The following UNC5A variants were observed in gnomAD, a reference collection of about 807,000 sequenced individuals.
UNC5A encodes netrin receptor UNC5A.
In UNC5A, 20 loss-of-function variants were observed where a neutral mutation model predicts 87.4. That is an observed-to-expected ratio of 0.23 (90% CI 0.16 to 0.33). UNC5A has a LOEUF of 0.33. Ranked by LOEUF, UNC5A falls within the 10% of genes least tolerant of loss-of-function variation. The pLI is 1.00. For synonymous variants in UNC5A, 438 were observed against 482.3 expected (o/e 0.91, Z 1.20); for missense variants, 844 against 1,133.4 (o/e 0.74, Z 3.67).
intron 1 of UNC5A, among the ~76,000 whole-genome samples, chr5:176,845,112 C>T (rs1757372671): frequency 6.6e-6 from 1 of 152,214 alleles, no homozygotes; most frequent in Admixed American, 6.5e-5. Context: ...CCCTCCCCGC[C>T]AGGAGAGTCA....
At chr5:176,864,904 G>T in intron 2 of UNC5A, 1 of 449,676 alleles carries the variant, frequency 2.2e-6, no homozygotes, top group Non-Finnish European at 4.5e-6. Flanking sequence ...CCCGGCCCCA[G>T]CGGAGGTGCC....
rs1757968433 is a variant in UNC5A at position 176,866,086 on chromosome 5, T to TCA, written c.293-2034_293-2033dup. Reference sequence around the variant, plus strand: ...GCTAGAAACCCTGGGCAGCCCAGGTTCACACACACACCCGCCCAGGCCCAC... The same window carrying TCA: ...GCTAGAAACCCTGGGCAGCCCAGGTTCACACACACACACCCGCCCAGGCCCAC... On this transcript the variant is annotated intron_variant, in intron 2 of 14. Transcript: ENST00000329542. This position sits in a 1 kb window ranked among gnomAD's most constrained non-coding sequence, Gnocchi z 5.0. Among the ~76,000 whole-genome samples the TCA allele has an allele frequency of 6.6e-6, 1 of 152,072 alleles. No individual in the cohort carries two copies. Among genetic ancestry groups the TCA allele is most frequent in the African/African-American group, 2.4e-5 (1 of 41,420 alleles).
At chr5:176,859,120 T>TA (rs1470908523) in intron 1 of UNC5A, among the ~76,000 whole-genome samples, 14 of 117,176 alleles carry the variant, frequency 1.2e-4, no homozygotes, top group African/African-American at 4.8e-4. Flanking sequence ...CTAGAGGGCA[T>TA]GGCTGCTAGA....
intron 1 of UNC5A, among the ~76,000 whole-genome samples, chr5:176,861,889 C>A (rs944749723): frequency 1.1e-4 from 17 of 152,232 alleles, no homozygotes; most frequent in South Asian, 6.2e-4. Context: ...CCCACCCCAT[C>A]CTCTCAGGGG....
At chr5:176,876,330 G>T (rs937685829) in intron 8 of UNC5A, among the ~76,000 whole-genome samples, 1 of 152,202 alleles carries the variant, frequency 6.6e-6, no homozygotes, top group African/African-American at 2.4e-5. Context: ...GCCCAGCCCT[G>T]CTCTGCGCTG....
intron 1 of UNC5A, among the ~76,000 whole-genome samples, chr5:176,831,727 G>T (rs893153): frequency 1.5e-4 from 23 of 152,022 alleles, no homozygotes; most frequent in Non-Finnish European, 2.5e-4. Flanking sequence ...ACCCCTGGCC[G>T]CTGCTTCCTG....
At chr5:176,876,411 G>A (rs1758262897) in intron 8 of UNC5A, among the ~76,000 whole-genome samples, 1 of 152,166 alleles carries the variant, frequency 6.6e-6, no homozygotes, top group Admixed American at 6.5e-5. Flanking sequence ...CCCTCCCCAT[G>A]TCCTGAGCTG....
intron 3 of UNC5A, 66 bp downstream of exon 3, chr5:176,868,339 G>A: frequency 6.3e-7 from 1 of 1,596,742 alleles, no homozygotes; most frequent in South Asian, 1.1e-5. Flanking sequence ...AGAGGGGACA[G>A]TAGGCTTCCT....
intron 1 of UNC5A, among the ~76,000 whole-genome samples, chr5:176,840,787 A>C (rs113529058): frequency 5.9e-5 from 9 of 152,366 alleles, no homozygotes; most frequent in African/African-American, 2.2e-4. Flanking sequence ...AGTGGGACAA[A>C]CGGGACCAGA....
chr5:176,831,678 G>T (rs1407252307), intron 1 of UNC5A, among the ~76,000 whole-genome samples: 1 of 152,054 alleles, frequency 6.6e-6, no homozygotes. Context: ...CCTCACACCT[G>T]TCTCCTCGTC....
In UNC5A at chr5:176,848,087, C is replaced by T; in HGVS notation, c.71-14537C>T. ...ATCCAGCAGCCCCTCCAGGCCCCTA[C>T]TGACCAGCTGACCAGCAGCCCCCAC... On this transcript the variant is annotated intron_variant, in intron 1 of 14. Coordinates refer to ENST00000329542, the MANE Select transcript of UNC5A (RefSeq NM_133369.3). This position sits in a 1 kb window ranked among gnomAD's most constrained non-coding sequence, Gnocchi z 5.8. 7.3e-6 allele frequency among the ~76,000 whole-genome samples: 1 copy of T among 136,596 alleles called. No homozygotes were observed. Among genetic ancestry groups the T allele is most frequent in the Non-Finnish European group, 1.6e-5 (1 of 62,878 alleles). The allele number at this position is 136,596 out of a possible 152,430, so 89.6% of individuals were successfully genotyped here.
chr5:176,872,160 C>T (rs1282139035), intron 6 of UNC5A, among the ~76,000 whole-genome samples: 1 of 108,072 alleles, frequency 9.3e-6, no homozygotes, highest in East Asian at 2.9e-4. Context: ...ACCACAGCTT[C>T]CCATCTGCCC....
In UNC5A at chr5:176,824,147, A is replaced by C. The variant is rs929174428; in HGVS notation, c.70+13327A>C. On this transcript the variant is annotated intron_variant, in intron 1 of 14. Coordinates refer to ENST00000329542, the MANE Select transcript of UNC5A (RefSeq NM_133369.3). This position sits in a 1 kb window ranked among gnomAD's most constrained non-coding sequence, Gnocchi z 4.2. ...GCCTGGAGGCGGAGGTGCGGCCCCG[A>C]TGCCTCCCGGGTTGGAGGCAGCAAT... is the stretch of plus-strand genomic sequence containing the variant. Among the ~76,000 whole-genome samples the C allele has an allele frequency of 6.6e-6, 1 of 152,190 alleles. No individual in the cohort carries two copies. Among genetic ancestry groups the C allele is most frequent in the Non-Finnish European group, 1.5e-5 (1 of 68,030 alleles).
chr5:176,851,661 C>T (rs1228866320), intron 1 of UNC5A, among the ~76,000 whole-genome samples: 1 of 152,174 alleles, frequency 6.6e-6, no homozygotes, highest in African/African-American at 2.4e-5. Flanking sequence ...GCACCCCCCT[C>T]GGGTGGCCCC....
At chr5:176,860,199 CCTGCCA>C (rs1375404128) in intron 1 of UNC5A, among the ~76,000 whole-genome samples, 1 of 152,212 alleles carries the variant, frequency 6.6e-6, no homozygotes, top group Non-Finnish European at 1.5e-5. Flanking sequence ...GGGCCGGGAA[CCTGCCA>C]CTGGGGGGGC....
intron 1 of UNC5A, among the ~76,000 whole-genome samples, chr5:176,845,853 C>A (rs116363013): frequency 0.017 from 2,611 of 152,292 alleles, 26 homozygotes; most frequent in Non-Finnish European, 0.025. Context: ...GCTATGGCAT[C>A]AGAGGGAACA....
intron 1 of UNC5A, among the ~76,000 whole-genome samples, chr5:176,857,646 A>AGC (rs1270827408): frequency 2.6e-4 from 39 of 152,192 alleles, no homozygotes; most frequent in African/African-American, 9.4e-4. Context: ...CACCAGCTCC[A>AGC]GCTGACGTGG....
rs770668272 is a variant in UNC5A at position 176,865,947 on chromosome 5, G to A, written c.293-2183G>A. The stretch of plus-strand genomic sequence containing the variant: ...TTTGCAAAACCAAGCACTGGAGTCC[G>A]GTCTGGGAGTATAACTTATTTTGTG... On this transcript the variant is annotated intron_variant, in intron 2 of 14. Coordinates refer to ENST00000329542, the MANE Select transcript of UNC5A (RefSeq NM_133369.3). This position sits in a 1 kb window ranked among gnomAD's most constrained non-coding sequence, Gnocchi z 5.3. Among the ~76,000 whole-genome samples the A allele has an allele frequency of 8.5e-5, 13 of 152,244 alleles. No individual in the cohort carries two copies. Among genetic ancestry groups the A allele is most frequent in the Non-Finnish European group, 1.2e-4 (8 of 68,044 alleles).
intron 1 of UNC5A, among the ~76,000 whole-genome samples, chr5:176,857,242 G>A (rs986526180): frequency 7.2e-5 from 11 of 152,258 alleles, no homozygotes; most frequent in African/African-American, 2.2e-4. Context: ...CAGAGACGGG[G>A]ACTGTGTTGT....
Sources: allele counts gnomAD v4.1 joint callset (sites outside exome capture counted in the v4.1 genomes callset), GRCh38; gene constraint gnomAD v4.1.1; non-coding constraint Gnocchi (gnomAD v3.1); transcripts MANE v1.5; gene names NCBI Gene and HGNC (gene_info 2026-07-23, HGNC 2026-07-21).